The following ETS1 variants were observed in gnomAD, a reference collection of about 807,000 sequenced individuals.
ETS1 encodes protein C-ets-1.
In ETS1, 15 loss-of-function variants were observed where a neutral mutation model predicts 58.6. The observed-to-expected ratio is 0.26, with a 90% CI of 0.17 to 0.39. ETS1 has a LOEUF of 0.39. Among genes scored for constraint, ETS1 ranks in the 10% least tolerant of loss-of-function variants. The pLI, the probability that ETS1 is intolerant of heterozygous loss-of-function variation, is 1.00. For missense variants in ETS1, 417 were observed against 610.5 expected, an observed-to-expected ratio of 0.68 and a Z score of 3.34; for synonymous variants, 214 against 218.2, an observed-to-expected ratio of 0.98 and a Z score of 0.17.
rs78551945 is a variant in ETS1, at chr11:128,580,818, G to A, written c.-15+6670C>T. On this transcript the variant is annotated intron_variant, in intron 1 of 9. Transcript: ENST00000392668. ...TTCACAACTTCACTATAATTATTCC[G>A]CCAACCCTTGCTTAAATGGAAATGA... 7.3e-3 allele frequency among the ~76,000 whole-genome samples: 1,113 copies of A among 152,100 alleles called. 10 individuals carry two copies. Among genetic ancestry groups the A allele is most frequent in the African/African-American group, 0.025 (1,049 of 41,474 alleles).
At position 128,489,461 on chromosome 11, in the gene ETS1, G is replaced by A. The variant is rs768799295; in HGVS notation, c.364C>T (p.Arg122Trp). The change falls in exon 5 of 10, where the codon CGG becomes TGG. Residue 122 changes from arginine (R) to tryptophan (W), a missense_variant. By Grantham distance (101) the Arg-to-Trp change is moderately radical. This residue lies in a region of ETS1 where 132 missense variants were observed against 212.1 expected (regional missense o/e 0.62). Coordinates refer to ENST00000392668, the MANE Select transcript of ETS1 (RefSeq NM_001143820.2). ...TTCACAGCCCACATCACCCAGTCCC[G>A]AACATGGGTTTCTGTCCACTGCCGG... is the stretch of plus-strand genomic sequence containing the variant. ...DPRQWTETHV[R>W]DWVMWAVNEF... is the part of the protein sequence containing the mutation. 2.3e-5 allele frequency: 37 copies of A among 1,613,886 alleles called. No individual in the cohort carries two copies. The highest frequency in any genetic ancestry group is 2.0e-5 in the Non-Finnish European group (24 of 1,180,016).
intron 3 of ETS1, among the ~76,000 whole-genome samples, chr11:128,503,948 G>GCCAGCTAAAC: frequency 6.6e-6 from 1 of 152,092 alleles, no homozygotes; most frequent in East Asian, 1.9e-4. Flanking sequence ...ACCAAAAACC[G>GCCAGCTAAAC]ATGGTGCCGC....
intron 3 of ETS1, among the ~76,000 whole-genome samples, chr11:128,554,436 T>C (rs1399612656): frequency 6.6e-6 from 1 of 152,160 alleles, no homozygotes; most frequent in Non-Finnish European, 1.5e-5. Flanking sequence ...GAAGATGATA[T>C]TACCCTGCTA....
chr11:128,571,116 G>C (rs1344318333), intron 2 of ETS1, among the ~76,000 whole-genome samples: 1 of 151,790 alleles, frequency 6.6e-6, no homozygotes, highest in South Asian at 2.1e-4. Flanking sequence ...GAGAGTTTTT[G>C]GTTTTTTTTA....
Position 128,587,480 on chromosome 11 carries a change from A to G in ETS1, c.-15+8T>C, listed in dbSNP as rs1208612526. ...ACTGAAAAGTTTTAGGCAGAAACTGACACACACCTCACTTACTACTTTGCC... is the reference window on the plus strand; with the variant it reads ...ACTGAAAAGTTTTAGGCAGAAACTGGCACACACCTCACTTACTACTTTGCC... On this transcript the variant is annotated splice_region_variant and intron_variant, in intron 1 of 9. Transcript: ENST00000392668. 1 of 152,406 alleles carries G rather than the reference A, an allele frequency of 6.6e-6. No individual in the cohort carries two copies. The highest frequency in any genetic ancestry group is 1.5e-5 in the Non-Finnish European group (1 of 68,058). The allele number at this position is 152,406 out of a possible 1,614,324, so 9.4% of individuals were successfully genotyped here.
At chr11:128,493,879 T>G (rs1185303948) in intron 3 of ETS1, among the ~76,000 whole-genome samples, 1 of 152,206 alleles carries the variant, frequency 6.6e-6, no homozygotes. Context: ...TCTCTTCATG[T>G]TGTTTGCAGA....
At chr11:128,568,261 C>T (rs1002401240) in intron 2 of ETS1, among the ~76,000 whole-genome samples, 2 of 152,196 alleles carry the variant, frequency 1.3e-5, no homozygotes, top group African/African-American at 4.8e-5. Context: ...GGTGAGACAT[C>T]CCAGGCTGGG....
At chr11:128,548,399 GA>G (rs1864171289) in intron 3 of ETS1, among the ~76,000 whole-genome samples, 1 of 151,862 alleles carries the variant, frequency 6.6e-6, no homozygotes, top group Admixed American at 6.6e-5. Context: ...TACAAATGAG[GA>G]AACTGAGGCT....
chr11:128,533,640 A>C (rs2135534324), intron 3 of ETS1, among the ~76,000 whole-genome samples: 1 of 152,288 alleles, frequency 6.6e-6, no homozygotes, highest in South Asian at 2.1e-4. Context: ...CTACCTGCCC[A>C]GCACCTCTGT....
chr11:128,542,141 A>G (rs1864066548), intron 3 of ETS1, among the ~76,000 whole-genome samples: 1 of 152,222 alleles, frequency 6.6e-6, no homozygotes, highest in African/African-American at 2.4e-5. Flanking sequence ...CTATTCACAG[A>G]GGTGGTACAT....
chr11:128,482,143 C>G (rs1273285404), intron 7 of ETS1, among the ~76,000 whole-genome samples: 1 of 152,136 alleles, frequency 6.6e-6, no homozygotes, highest in Admixed American at 6.5e-5. Flanking sequence ...CATTTACCCA[C>G]CAGAAAAGTC....
At chr11:128,522,414 G>A (rs1044668357) in intron 3 of ETS1, 12 of 930,540 alleles carry the variant, frequency 1.3e-5, no homozygotes, top group Non-Finnish European at 1.5e-5. Flanking sequence ...GCCCTGGGCC[G>A]GGCGATGTCC....
chr11:128,547,242 C>T (rs538968278), intron 3 of ETS1, among the ~76,000 whole-genome samples: 4 of 152,304 alleles, frequency 2.6e-5, no homozygotes, highest in South Asian at 2.1e-4. Flanking sequence ...TGCTAAGTGC[C>T]GCAGGAAGGT....
At chr11:128,509,903 A>G (rs1863347235) in intron 3 of ETS1, among the ~76,000 whole-genome samples, 1 of 152,236 alleles carries the variant, frequency 6.6e-6, no homozygotes, top group South Asian at 2.1e-4. Context: ...AGGGTTGTTT[A>G]AAGAATGTGA....
At chr11:128,530,251 G>A (rs551454194) in intron 3 of ETS1, 3 of 152,408 alleles carry the variant, frequency 2.0e-5, no homozygotes, top group East Asian at 3.9e-4. Context: ...GCCCTGTGAA[G>A]GAGTCAGAAT....
chr11:128,519,713 A>G (rs1265542685), intron 3 of ETS1, among the ~76,000 whole-genome samples: 1 of 152,248 alleles, frequency 6.6e-6, no homozygotes, highest in African/African-American at 2.4e-5. Flanking sequence ...TACTCAAAGC[A>G]ATATACATTG....
At chr11:128,555,610 AAAAAC>A (rs1864299739) in intron 3 of ETS1, among the ~76,000 whole-genome samples, 1 of 152,260 alleles carries the variant, frequency 6.6e-6, no homozygotes, top group Non-Finnish European at 1.5e-5. Flanking sequence ...GTTTTTGTTT[AAAAAC>A]AAAACAAAAC....
chr11:128,487,647 G>A (rs1038018543), intron 5 of ETS1, among the ~76,000 whole-genome samples: 2 of 152,128 alleles, frequency 1.3e-5, no homozygotes, highest in African/African-American at 4.8e-5. Flanking sequence ...GGTGAGGCAG[G>A]AGAATCGCTT....
intron 3 of ETS1, among the ~76,000 whole-genome samples, chr11:128,502,568 C>T (rs1367250579): frequency 1.3e-5 from 2 of 152,200 alleles, no homozygotes; most frequent in Admixed American, 1.3e-4. Flanking sequence ...AATAAAGAGG[C>T]CAAGAGCTGA....
Sources: allele counts gnomAD v4.1 joint callset (sites outside exome capture counted in the v4.1 genomes callset), GRCh38; gene constraint gnomAD v4.1.1; regional missense constraint gnomAD v4.1.1; transcripts MANE v1.5; gene names NCBI Gene and HGNC (gene_info 2026-07-23, HGNC 2026-07-21).